Variants in MDH2 observed in about 807,000 individuals in gnomAD.
The protein encoded by MDH2 is malate dehydrogenase 2, also known as malate dehydrogenase, mitochondrial.
In MDH2, 25 loss-of-function variants were observed where a neutral mutation model predicts 33.6. That is an observed-to-expected ratio of 0.74 (90% CI 0.54 to 1.04). The LOEUF (loss-of-function observed/expected upper bound fraction) is 1.04. MDH2 is among the 50% of genes least tolerant of loss of function. MDH2 has a pLI of 0.00. For missense variants in MDH2, 432 were observed against 445.0 expected, an observed-to-expected ratio of 0.97 and a Z score of 0.26; for synonymous variants, 193 against 188.7, an observed-to-expected ratio of 1.02 and a Z score of -0.19.
intron 5 of MDH2, among the ~76,000 whole-genome samples, chr7:76,062,312 C>G (rs1340620917): frequency 5.9e-5 from 9 of 152,238 alleles, no homozygotes; most frequent in African/African-American, 1.9e-4. Flanking sequence ...ACATACATTT[C>G]TAGGAGTCTT....
chr7:76,056,421 A>G (rs74610353), intron 2 of MDH2, among the ~76,000 whole-genome samples: 4 of 152,144 alleles, frequency 2.6e-5, no homozygotes, highest in African/African-American at 9.7e-5. Flanking sequence ...TGGTGTTTAC[A>G]TGAGTCTTAA....
At position 76,064,187 on chromosome 7, in the gene MDH2, A is replaced by G. The variant is rs146061059; in HGVS notation, c.634-152A>G. ...GCCCAGAATAGCATGTCATTTTTCT[A>G]TAAAGGTTTTCTTTTTCTTCTTTAT... On this transcript the variant is annotated intron_variant, in intron 6 of 8. Coordinates refer to ENST00000315758, the MANE Select transcript of MDH2 (RefSeq NM_005918.4). 3.0e-3 allele frequency: 1,714 copies of G among 575,630 alleles called. 50 individuals carry two copies. In the South Asian group the frequency reaches 0.034, roughly 12 times the overall value. The allele number at this position is 575,630 out of a possible 1,614,324, so 35.7% of individuals were successfully genotyped here. A position where few individuals can be genotyped will look rare whatever the true frequency, so the allele number is the denominator to read the frequency against.
Position 76,066,379 on chromosome 7 carries a change from A to AG in MDH2, c.991dup (p.Glu331GlyfsTer33). ...CCCGAGCTGAAGGCCTCCATCAAGA[A>AG]GGGGGAAGATTTCGTGAAGACCCTG... On this transcript the variant is annotated frameshift_variant, in exon 9 of 9. Transcript: ENST00000315758. LOFTEE classifies it high-confidence loss of function. 1 of 1,611,780 alleles carries AG rather than the reference A, an allele frequency of 6.2e-7. No individual in the cohort carries two copies.
rs139870141 is a variant in MDH2 at position 76,064,390 on chromosome 7, C to T, written c.685C>T (p.Arg229Trp). ...PQDQLTALTG[R>W]IQEAGTEVVK... ...GGACCAGCTGACAGCACTCACTGGGCGGATCCAGGAGGCCGGCACGGAGGT... is the reference window on the plus strand; with the variant it reads ...GGACCAGCTGACAGCACTCACTGGGTGGATCCAGGAGGCCGGCACGGAGGT... Residue 229 changes from arginine (R) to tryptophan (W), a missense_variant, in exon 7 of 9, where the codon CGG (arginine) becomes TGG (tryptophan). By Grantham distance (101) the Arg-to-Trp change is moderately radical. Transcript: ENST00000315758. 3.7e-6 allele frequency: 6 copies of T among 1,613,416 alleles called. No homozygotes were observed. The highest frequency in any genetic ancestry group is 2.2e-5 in the East Asian group (1 of 44,826).
chr7:76,063,489 A>G, intron 5 of MDH2, 26 bp from the exon 6 acceptor site: 1 of 1,611,674 alleles, frequency 6.2e-7, no homozygotes. Flanking sequence ...TTGTTAACTC[A>G]TCCAGCTTCA....
At position 76,054,705 on chromosome 7, in the gene MDH2, C is replaced by A. The variant is rs563278014; in HGVS notation, c.67-125C>A. ...TTCCAGAATGAGACTGTTACAAATA[C>A]AATGATTGTATCTTGCTTTGGCAAC... On this transcript the variant is annotated intron_variant, in intron 1 of 8. Coordinates refer to ENST00000315758, the MANE Select transcript of MDH2 (RefSeq NM_005918.4). 14 of 1,087,948 alleles carry A rather than the reference C, an allele frequency of 1.3e-5. No homozygotes were observed. In the South Asian group the frequency reaches 1.9e-4, roughly 15 times the overall value. The allele number at this position is 1,087,948 out of a possible 1,614,324, so 67.4% of individuals were successfully genotyped here. A position where few individuals can be genotyped will look rare whatever the true frequency, so the allele number is the denominator to read the frequency against.
At position 76,066,499 on chromosome 7, in the gene MDH2, G is replaced by T; in HGVS notation, c.*89G>T. The T allele has an allele frequency of 6.8e-7, 1 of 1,463,926 alleles. No homozygotes were observed. Among genetic ancestry groups the T allele is most frequent in the South Asian group, 1.5e-5 (1 of 67,474 alleles). The allele number at this position is 1,463,926 out of a possible 1,614,324, so 90.7% of individuals were successfully genotyped here. ...GCAGATAAACTTTGTATTTTAATTT[G>T]CTTTGGTGATGATTACTGTATTGAC... On this transcript the variant is annotated 3_prime_UTR_variant, in exon 9 of 9. Coordinates refer to ENST00000315758, the MANE Select transcript of MDH2 (RefSeq NM_005918.4).
intron 4 of MDH2, 89 bp downstream of exon 4, chr7:76,058,167 T>G: frequency 8.3e-7 from 1 of 1,197,836 alleles, no homozygotes; most frequent in Non-Finnish European, 1.2e-6. Context: ...CAGCAAAGGC[T>G]GCTGATGTGC....
chr7:76,056,391 G>GTA (rs1563547759), intron 2 of MDH2, among the ~76,000 whole-genome samples: 2 of 152,122 alleles, frequency 1.3e-5, no homozygotes, highest in African/African-American at 2.4e-5. Flanking sequence ...CTCTGACAGC[G>GTA]TATGCGATAC....
chr7:76,058,111 T>A (rs782318701), intron 4 of MDH2, 33 bp downstream of exon 4: 8 of 1,586,662 alleles, frequency 5.0e-6, no homozygotes, highest in Non-Finnish European at 6.9e-6. Flanking sequence ...CTTGCAGCTA[T>A]GGCAGGTGTT....
Position 76,060,486 on chromosome 7 carries a change from T to C in MDH2, c.543T>C (p.Val181=). The C allele has an allele frequency of 6.2e-7, 1 of 1,614,148 alleles. No homozygotes were observed. The highest frequency in any genetic ancestry group is 8.5e-7 in the Non-Finnish European group (1 of 1,180,028). Reference sequence around the variant, plus strand: ...ACATCGTCAGAGCCAACACCTTTGTTGCAGAGCTGAAGGTAAGGGCGGCGT... The same window carrying C: ...ACATCGTCAGAGCCAACACCTTTGTCGCAGAGCTGAAGGTAAGGGCGGCGT... The part of the protein sequence containing the change: ...TLDIVRANTF[V]AELKGLDPAR... Residue 181 remains valine, a synonymous_variant, in exon 5 of 9, where the codon GTT becomes GTC. Transcript: ENST00000315758.
At chr7:76,066,084 C>T (rs782237685) in intron 8 of MDH2, among the ~76,000 whole-genome samples, 195 bp from the exon 9 acceptor site, 1 of 152,108 alleles carries the variant, frequency 6.6e-6, no homozygotes, top group African/African-American at 2.4e-5. Flanking sequence ...GCCTGGCACC[C>T]TCTGGCTCTG....
rs368696441 is a variant in MDH2, at chr7:76,067,489, G to A, written c.*1079G>A. On this transcript the variant is annotated 3_prime_UTR_variant, in exon 9 of 9. Transcript: ENST00000315758. The stretch of plus-strand genomic sequence containing the variant: ...CCAAAAAGCAGCTAAAAAATAAAGC[G>A]GGAAAGGAACTACTGGTAATACTTG... The A allele has an allele frequency of 2.0e-5, 3 of 152,294 alleles. No homozygotes were observed. Among genetic ancestry groups the A allele is most frequent in the East Asian group, 3.9e-4 (2 of 5,186 alleles). 9.4% of individuals were successfully genotyped at this position (152,294 alleles called of 1,614,324 possible). A position where few individuals can be genotyped will look rare whatever the true frequency, so the allele number is the denominator to read the frequency against.
At chr7:76,054,225 C>T (rs80221399) in intron 1 of MDH2, among the ~76,000 whole-genome samples, 2,112 of 149,556 alleles carry the variant, frequency 0.014, 40 homozygotes, top group African/African-American at 0.049. Context: ...TCTTTCGCAA[C>T]GTACGTAACC....
intron 4 of MDH2, 90 bp downstream of exon 4, chr7:76,058,168 G>A: frequency 3.3e-6 from 4 of 1,201,440 alleles, no homozygotes; most frequent in Non-Finnish European, 4.7e-6. Flanking sequence ...AGCAAAGGCT[G>A]CTGATGTGCT....
At chr7:76,054,682 C>A in intron 1 of MDH2, 148 bp from the exon 2 acceptor site, 1 of 937,786 alleles carries the variant, frequency 1.1e-6, no homozygotes, top group Non-Finnish European at 1.7e-6. Flanking sequence ...CTGAATTCTT[C>A]CAGAATGAGA....
intron 8 of MDH2, 71 bp downstream of exon 8, chr7:76,065,024 C>T: frequency 2.6e-6 from 4 of 1,524,830 alleles, no homozygotes; most frequent in South Asian, 1.2e-5. Context: ...GCCTCAGGAG[C>T]TCTCCCTGGC....
intron 8 of MDH2, 173 bp downstream of exon 8, chr7:76,065,126 C>T: frequency 2.8e-6 from 2 of 719,088 alleles, no homozygotes; most frequent in South Asian, 3.9e-5. Flanking sequence ...GGGAGGATCA[C>T]AGACTGTGAA....
chr7:76,054,954 T>C lies in MDH2; in HGVS notation c.191T>C (p.Val64Ala), dbSNP rs782339624. The C allele has an allele frequency of 4.3e-5, 70 of 1,613,714 alleles. No homozygotes were observed. The highest frequency in any genetic ancestry group is 6.7e-5 in the Admixed American group (4 of 59,942). ...TATGATATCGCGCACACACCCGGAGTGGCCGCAGATCTGAGCCACATCGAG... is the reference window on the plus strand; with the variant it reads ...TATGATATCGCGCACACACCCGGAGCGGCCGCAGATCTGAGCCACATCGAG... ...TLYDIAHTPG[V>A]AADLSHIETK... The change falls in exon 2 of 9, where the codon GTG becomes GCG. Residue 64 changes from valine to alanine, a missense_variant. By Grantham distance (64) the Val-to-Ala change is moderately conservative. Transcript: ENST00000315758.
Sources: allele counts gnomAD v4.1 joint callset (sites outside exome capture counted in the v4.1 genomes callset), GRCh38; gene constraint gnomAD v4.1.1; transcripts MANE v1.5; gene names NCBI Gene and HGNC (gene_info 2026-07-23, HGNC 2026-07-21).